Variants in KCNK13 observed in about 807,000 individuals in gnomAD.
KCNK13 encodes potassium two pore domain channel subfamily K member 13, also known as potassium channel subfamily K member 13.
In KCNK13, 12 loss-of-function variants were observed where a neutral mutation model predicts 23.4. The observed-to-expected ratio is 0.51, with a 90% CI of 0.33 to 0.83. The LOEUF is 0.83. Ranked by LOEUF, KCNK13 falls within the 40% of genes least tolerant of loss-of-function variation. KCNK13 has a pLI of 0.02. For missense variants in KCNK13, 463 were observed against 556.3 expected, an observed-to-expected ratio of 0.83 and a Z score of 1.69; for synonymous variants, 231 against 229.5, an observed-to-expected ratio of 1.01 and a Z score of -0.06.
chr14:90,172,147 T>C (rs2140444080), intron 1 of KCNK13, among the ~76,000 whole-genome samples: 1 of 152,068 alleles, frequency 6.6e-6, no homozygotes, highest in South Asian at 2.1e-4. Flanking sequence ...TGGAACCCCG[T>C]CTCTACTAAA....
intron 1 of KCNK13, among the ~76,000 whole-genome samples, chr14:90,141,479 T>A (rs1308264338): frequency 2.6e-5 from 4 of 151,510 alleles, no homozygotes; most frequent in Non-Finnish European, 4.4e-5. Flanking sequence ...GTTTCTGAGA[T>A]AGAGTTTCGC....
At chr14:90,126,442 T>TGTGACGTGACGTGACGTGAC in intron 1 of KCNK13, among the ~76,000 whole-genome samples, 1 of 90,060 alleles carries the variant, frequency 1.1e-5, no homozygotes, top group Non-Finnish European at 2.4e-5. Context: ...TGTGACGTGA[T>TGTGACGTGACGTGACGTGAC]GTGACGTGAC....
Position 90,122,289 on chromosome 14 carries a change from G to T in KCNK13, c.334+59750G>T, listed in dbSNP as rs1889748186. On this transcript the variant is annotated intron_variant, in intron 1 of 1. Coordinates refer to ENST00000282146, the MANE Select transcript of KCNK13 (RefSeq NM_022054.4). ...AGAAGTGAATTTTCTGGATAACAGGGCATGAATATTTTAAAGACTTTTCAC... is the reference window on the plus strand; with the variant it reads ...AGAAGTGAATTTTCTGGATAACAGGTCATGAATATTTTAAAGACTTTTCAC... Among the ~76,000 whole-genome samples the T allele has an allele frequency of 2.0e-5, 3 of 151,514 alleles. No individual in the cohort carries two copies. In the South Asian group the frequency reaches 6.3e-4, roughly 32 times the overall value.
chr14:90,182,435 G>T (rs548295273), intron 1 of KCNK13, among the ~76,000 whole-genome samples: 6 of 152,178 alleles, frequency 3.9e-5, no homozygotes, highest in Non-Finnish European at 7.3e-5. Flanking sequence ...TATCAGCTTG[G>T]TGACAAGTGG....
At chr14:90,110,643 G>GGGCATGTCTTTCTAAAGT (rs1209160738) in intron 1 of KCNK13, among the ~76,000 whole-genome samples, 3 of 152,218 alleles carry the variant, frequency 2.0e-5, no homozygotes, top group South Asian at 2.1e-4. Context: ...TGTGGATTCA[G>GGGCATGTCTTTCTAAAGT]GGCATGTCTT....
chr14:90,082,842 C>A (rs559271923), intron 1 of KCNK13, among the ~76,000 whole-genome samples: 13 of 152,290 alleles, frequency 8.5e-5, no homozygotes, highest in African/African-American at 2.9e-4. Flanking sequence ...CATGTAGTAA[C>A]CCTATTCTTT....
chr14:90,135,462 CAT>C (rs1889924263), intron 1 of KCNK13, among the ~76,000 whole-genome samples: 1 of 152,198 alleles, frequency 6.6e-6, no homozygotes, highest in Non-Finnish European at 1.5e-5. Flanking sequence ...ATTTCTAAAA[CAT>C]AAAAATGTTG....
intron 1 of KCNK13, among the ~76,000 whole-genome samples, chr14:90,102,423 G>C (rs1484265263): frequency 6.6e-6 from 1 of 152,148 alleles, no homozygotes; most frequent in African/African-American, 2.4e-5. Context: ...TAAGAATCTT[G>C]CCTGTGCTGC....
chr14:90,129,020 T>G (rs1315144105), intron 1 of KCNK13, among the ~76,000 whole-genome samples: 1 of 152,084 alleles, frequency 6.6e-6, no homozygotes, highest in Non-Finnish European at 1.5e-5. Context: ...TTTTCAAAAT[T>G]TATACTTTTA....
intron 1 of KCNK13, among the ~76,000 whole-genome samples, chr14:90,143,858 C>T (rs1468460708): frequency 6.6e-6 from 1 of 152,186 alleles, no homozygotes; most frequent in African/African-American, 2.4e-5. Context: ...TGGCCGCCTG[C>T]AACTGACTGA....
Position 90,184,849 on chromosome 14 carries a change from C to T in KCNK13, c.1073C>T (p.Ala358Val). The T allele has an allele frequency of 6.2e-7, 1 of 1,613,868 alleles. No individual in the cohort carries two copies. Among genetic ancestry groups the T allele is most frequent in the African/African-American group, 1.3e-5 (1 of 75,060 alleles). ...SMKDLLAANK[A>V]SLAILQKQLS... is the part of the protein sequence containing the mutation. ...AAGGACTTGCTGGCAGCCAACAAGG[C>T]CTCGTTGGCCATCCTGCAGAAGCAA... is the stretch of plus-strand genomic sequence containing the variant. Residue 358 changes from alanine (A) to valine (V), a missense_variant, in exon 2 of 2, where the codon GCC (alanine) becomes GTC (valine). Physicochemically the swap from Ala to Val is moderately conservative, Grantham distance 64 (BLOSUM62 0). Coordinates refer to ENST00000282146, the MANE Select transcript of KCNK13 (RefSeq NM_022054.4). The surrounding 1 kb of genome is among the most constrained non-coding windows in gnomAD (Gnocchi z 5.6).
chr14:90,127,478 G>C (rs1889815326), intron 1 of KCNK13, among the ~76,000 whole-genome samples: 1 of 142,280 alleles, frequency 7.0e-6, no homozygotes, highest in African/African-American at 2.6e-5. Context: ...TTGTACATTG[G>C]TTTCTCTGCC....
intron 1 of KCNK13, among the ~76,000 whole-genome samples, chr14:90,165,111 A>G (rs1890288991): frequency 6.6e-6 from 1 of 152,328 alleles, no homozygotes; most frequent in African/African-American, 2.4e-5. Context: ...TTTTAAAACC[A>G]TCAGATCTCG....
chr14:90,079,385 T>C (rs1889181090), intron 1 of KCNK13, among the ~76,000 whole-genome samples: 1 of 151,760 alleles, frequency 6.6e-6, no homozygotes. Flanking sequence ...AATGAGGTTA[T>C]TTTATGGAGC....
intron 1 of KCNK13, among the ~76,000 whole-genome samples, chr14:90,067,234 A>C (rs1179606961): frequency 6.6e-6 from 1 of 152,198 alleles, no homozygotes; most frequent in Non-Finnish European, 1.5e-5. Context: ...GCGCCAATGC[A>C]CTCCAGCCTG....
chr14:90,088,070 T>C (rs1212391766), intron 1 of KCNK13, among the ~76,000 whole-genome samples: 1 of 152,200 alleles, frequency 6.6e-6, no homozygotes, highest in African/African-American at 2.4e-5. Context: ...TGGTGTGATC[T>C]CAGCTCACTG....
At chr14:90,176,571 A>G (rs541186929) in intron 1 of KCNK13, among the ~76,000 whole-genome samples, 4 of 152,296 alleles carry the variant, frequency 2.6e-5, no homozygotes, top group African/African-American at 7.2e-5. Flanking sequence ...TTAAACTGTT[A>G]GCATCAAAAA....
At position 90,068,753 on chromosome 14, in the gene KCNK13, T is replaced by C. The variant is rs140177106; in HGVS notation, c.334+6214T>C. Among the ~76,000 whole-genome samples the C allele has an allele frequency of 5.1e-3, 784 of 152,264 alleles. 5 individuals carry two copies. The highest frequency in any genetic ancestry group is 0.018 in the African/African-American group (738 of 41,548). On this transcript the variant is annotated intron_variant, in intron 1 of 1. Coordinates refer to ENST00000282146, the MANE Select transcript of KCNK13 (RefSeq NM_022054.4). ...CTAGAGGGCCGTTCATGTTGTGATG[T>C]TTCTGACTAGGACAAGCCCTCCCAT...
rs879561969 is a variant in KCNK13 at position 90,171,617 on chromosome 14, T to C, written c.335-12494T>C. Reference sequence around the variant, plus strand: ...TAGGGAGACATGAGACGTCAATTAATATATGTCTGGAAAAGTGGGACAACT... The same window carrying C: ...TAGGGAGACATGAGACGTCAATTAACATATGTCTGGAAAAGTGGGACAACT... On this transcript the variant is annotated intron_variant, in intron 1 of 1. Coordinates refer to ENST00000282146, the MANE Select transcript of KCNK13 (RefSeq NM_022054.4). 1.2e-4 allele frequency among the ~76,000 whole-genome samples: 18 copies of C among 152,166 alleles called. 1 individual carries two copies. Among genetic ancestry groups the C allele is most frequent in the Admixed American group, 8.5e-4 (13 of 15,280 alleles).
Sources: allele counts gnomAD v4.1 joint callset (sites outside exome capture counted in the v4.1 genomes callset), GRCh38; gene constraint gnomAD v4.1.1; non-coding constraint Gnocchi (gnomAD v3.1); transcripts MANE v1.5; gene names NCBI Gene and HGNC (gene_info 2026-07-23, HGNC 2026-07-21).